PTPRB: variants seen among roughly 807,000 people sequenced by gnomAD.
PTPRB encodes receptor-type tyrosine-protein phosphatase beta.
In PTPRB, 97 loss-of-function variants were observed where a neutral mutation model predicts 238.1. The ratio of observed to expected loss-of-function variants is 0.41; its 90% CI spans 0.35 to 0.48. PTPRB has a LOEUF of 0.48. PTPRB is among the 20% of genes least tolerant of loss of function. PTPRB has a pLI of 0.30. For missense variants in PTPRB, 2,292 were observed against 2,681.9 expected (o/e 0.85, Z 3.21); for synonymous variants, 970 against 995.4 (o/e 0.97, Z 0.48).
At chr12:70,583,485 T>C (rs1167353553) in intron 9 of PTPRB, among the ~76,000 whole-genome samples, 1 of 152,082 alleles carries the variant, frequency 6.6e-6, no homozygotes, top group Non-Finnish European at 1.5e-5. Context: ...CTGCAGGATA[T>C]TGGAGAAAGG....
rs772280714 is a variant in PTPRB at position 70,560,774 on chromosome 12, C to T, written c.4329G>A (p.Thr1443=). The change falls in exon 17 of 34, where the codon ACG becomes ACA. Residue 1443 remains threonine (T), a synonymous_variant. Transcript: ENST00000334414. The surrounding 1 kb of genome is among the most constrained non-coding windows in gnomAD (Gnocchi z 4.2). ...GAACAAGGCCTTGAAACCGCCACTC[C>T]GTCAGGTCCTTGTCTTTCCAGTTTT... ...KKENWKDKDL[T]EWRFQGLVPG... 1.8e-5 allele frequency: 29 copies of T among 1,613,960 alleles called. No individual in the cohort carries two copies. The highest frequency in any genetic ancestry group is 2.2e-5 in the Non-Finnish European group (26 of 1,179,880).
chr12:70,571,797 G>A, intron 12 of PTPRB, 27 bp downstream of exon 12: 2 of 1,595,482 alleles, frequency 1.3e-6, no homozygotes, highest in Non-Finnish European at 1.7e-6. Flanking sequence ...CCAACCAACT[G>A]TCAGATTTTG....
intron 2 of PTPRB, among the ~76,000 whole-genome samples, chr12:70,631,781 A>G (rs1467353361): frequency 8.5e-5 from 13 of 152,374 alleles, no homozygotes; most frequent in Admixed American, 2.0e-4. Context: ...ATATGAACAG[A>G]CACTTCTAAA....
At chr12:70,546,509 G>C (rs777468416) in intron 21 of PTPRB, among the ~76,000 whole-genome samples, 3 of 152,182 alleles carry the variant, frequency 2.0e-5, no homozygotes, top group Non-Finnish European at 4.4e-5. Context: ...ATGAATTAGA[G>C]ATCATTTGAG....
At chr12:70,613,371 T>C (rs1325819509) in intron 3 of PTPRB, among the ~76,000 whole-genome samples, 1 of 152,100 alleles carries the variant, frequency 6.6e-6, no homozygotes, top group Non-Finnish European at 1.5e-5. Flanking sequence ...CCACCTATTG[T>C]GTGCCAGGCT....
chr12:70,572,495 T>G (rs1880185193), intron 11 of PTPRB, among the ~76,000 whole-genome samples: 1 of 151,422 alleles, frequency 6.6e-6, no homozygotes, highest in Admixed American at 6.6e-5. Context: ...AGGCTATGCA[T>G]GGTGGCTCAC....
At chr12:70,570,845 C>T (rs1394400631) in intron 13 of PTPRB, 181 bp downstream of exon 13, 1 of 707,220 alleles carries the variant, frequency 1.4e-6, no homozygotes, top group African/African-American at 1.8e-5. Context: ...TCTCTGCTGA[C>T]ATCATACTTT....
intron 23 of PTPRB, 129 bp from the exon 24 acceptor site, chr12:70,540,151 C>T: frequency 1.4e-6 from 1 of 693,004 alleles, no homozygotes; most frequent in Middle Eastern, 4.1e-4. Flanking sequence ...GATTTGCACT[C>T]AGCCAACATC....
chr12:70,555,038 A>T, intron 20 of PTPRB, 122 bp downstream of exon 20: 1 of 1,154,092 alleles, frequency 8.7e-7, no homozygotes, highest in African/African-American at 1.6e-5. Flanking sequence ...GAGAGGGGTG[A>T]ATGATACAAA....
chr12:70,633,831 T>G (rs1007258847), intron 2 of PTPRB, among the ~76,000 whole-genome samples: 3 of 152,140 alleles, frequency 2.0e-5, no homozygotes, highest in African/African-American at 7.2e-5. Flanking sequence ...TGAGTCCATA[T>G]CTACTTTTTT....
chr12:70,591,147 G>A (rs149393160), intron 7 of PTPRB, among the ~76,000 whole-genome samples: 18 of 149,270 alleles, frequency 1.2e-4, no homozygotes, highest in Non-Finnish European at 1.5e-5. Flanking sequence ...ATGTTGCTGA[G>A]GTTGGTCTCA....
chr12:70,590,308 A>T, intron 7 of PTPRB, 75 bp from the exon 8 acceptor site: 1 of 1,410,722 alleles, frequency 7.1e-7, no homozygotes, highest in Non-Finnish European at 9.5e-7. Flanking sequence ...TTTCTTGGGC[A>T]GCAGTAGATA....
intron 2 of PTPRB, among the ~76,000 whole-genome samples, chr12:70,631,586 A>G (rs1367400892): frequency 6.6e-6 from 1 of 152,240 alleles, no homozygotes; most frequent in Admixed American, 6.5e-5. Flanking sequence ...AATGGGATCT[A>G]ATTAAACTAA....
chr12:70,523,445 G>T (rs1203386431), intron 33 of PTPRB, among the ~76,000 whole-genome samples: 2 of 152,144 alleles, frequency 1.3e-5, no homozygotes, highest in African/African-American at 4.8e-5. Flanking sequence ...GAAATACAGG[G>T]TCACAAGATA....
At chr12:70,524,923 ATG>A (rs1261795299) in intron 32 of PTPRB, among the ~76,000 whole-genome samples, 7 of 149,962 alleles carry the variant, frequency 4.7e-5, no homozygotes, top group Admixed American at 2.0e-4. Flanking sequence ...GTATGTATAT[ATG>A]TGTGTATATG....
chr12:70,552,693 C>T, intron 21 of PTPRB, 84 bp downstream of exon 21: 1 of 1,510,952 alleles, frequency 6.6e-7, no homozygotes, highest in Non-Finnish European at 9.1e-7. Flanking sequence ...TCTATGGAAG[C>T]TCGCATGCAT....
rs554716119 is a variant in PTPRB at position 70,617,865 on chromosome 12, G to C, written c.708+4525C>G. Among the ~76,000 whole-genome samples the C allele has an allele frequency of 2.1e-3, 311 of 146,918 alleles. 2 individuals carry two copies. Among genetic ancestry groups the C allele is most frequent in the Middle Eastern group, 3.5e-3 (1 of 286 alleles). ...GGCCGGAGCAAGGGTGGGTGGGCAG[G>C]GAAAGATTTAGAGATATTTAGCAGT... On this transcript the variant is annotated intron_variant, in intron 3 of 33. Transcript: ENST00000334414.
Position 70,590,192 on chromosome 12 carries a change from T to G in PTPRB, c.1822A>C (p.Arg608=), listed in dbSNP as rs772410714. 2.5e-6 allele frequency: 4 copies of G among 1,587,882 alleles called. No homozygotes were observed. Among genetic ancestry groups the G allele is most frequent in the Non-Finnish European group, 3.4e-6 (4 of 1,165,792 alleles). Residue 608 remains arginine, a synonymous_variant, in exon 8 of 34, where the codon AGG becomes CGG. Coordinates refer to ENST00000334414, the MANE Select transcript of PTPRB (RefSeq NM_001109754.4). ...CAGCTCACTACAAGAGACCTCATCC[T>G]GCCATTATTGTTTGCCTCCAGGTTT... ...VANLEANNNG[R]MRSLVVSWSP...
intron 2 of PTPRB, among the ~76,000 whole-genome samples, chr12:70,634,109 T>C (rs1481852399): frequency 6.6e-6 from 1 of 152,212 alleles, no homozygotes; most frequent in Non-Finnish European, 1.5e-5. Context: ...CTCTCAACTT[T>C]TATTGTAGCA....
Sources: allele counts gnomAD v4.1 joint callset (sites outside exome capture counted in the v4.1 genomes callset), GRCh38; gene constraint gnomAD v4.1.1; non-coding constraint Gnocchi (gnomAD v3.1); transcripts MANE v1.5; gene names NCBI Gene and HGNC (gene_info 2026-07-23, HGNC 2026-07-21).